MARCHF6: variants seen among roughly 807,000 people sequenced by gnomAD.
The protein encoded by MARCHF6 is E3 ubiquitin-protein ligase MARCHF6.
Under a neutral mutation model 133.7 loss-of-function variants are expected in MARCHF6, and 31 were observed. The ratio of observed to expected loss-of-function variants is 0.23; its 90% confidence interval spans 0.17 to 0.31. The LOEUF (loss-of-function observed/expected upper bound fraction) is 0.31, where lower values mean the gene tolerates loss of function less well. MARCHF6 is among the 10% of genes least tolerant of loss of function. The probability of loss-of-function intolerance (pLI) is 1.00; values close to 1 mark genes in which losing one functional copy is unlikely to be tolerated. For missense variants in MARCHF6, 723 were observed against 1,121.6 expected (o/e 0.64, Z 5.08); for synonymous variants, 395 against 402.5 (o/e 0.98, Z 0.22).
chr5:10,356,543 G>A (rs553578001), intron 1 of MARCHF6, among the ~76,000 whole-genome samples: 184 of 151,750 alleles, frequency 1.2e-3, no homozygotes, highest in African/African-American at 3.8e-3. Flanking sequence ...TTACAGGAGC[G>A]CGCCACCTCC....
Position 10,390,317 on chromosome 5 carries a change from T to C in MARCHF6, c.408-15T>C, listed in dbSNP as rs1329860842. The C allele has an allele frequency of 1.9e-5, 26 of 1,383,136 alleles. No individual in the cohort carries two copies. The highest frequency in any genetic ancestry group is 2.5e-5 in the Non-Finnish European group (25 of 1,010,470). The allele number at this position is 1,383,136 out of a possible 1,614,324, so 85.7% of individuals were successfully genotyped here. ...TCTTCTTTGGAGTAATTATATGTAC[T>C]TTTTTTTTTAATAGGGAAAATTTGT... On this transcript the variant is annotated splice_polypyrimidine_tract_variant and intron_variant, in intron 5 of 25. Coordinates refer to ENST00000274140, the MANE Select transcript of MARCHF6 (RefSeq NM_005885.4).
At chr5:10,398,278 G>T (rs1424763906) in intron 10 of MARCHF6, among the ~76,000 whole-genome samples, 2 of 152,208 alleles carry the variant, frequency 1.3e-5, no homozygotes, top group African/African-American at 4.8e-5. Context: ...GTGTAAAGCA[G>T]ACGTCTTTAA....
chr5:10,378,575 C>T (rs1170009945), intron 2 of MARCHF6, among the ~76,000 whole-genome samples, 184 bp from the exon 3 acceptor site: 1 of 152,124 alleles, frequency 6.6e-6, no homozygotes, highest in Admixed American at 6.5e-5. Context: ...GTTTTTATCT[C>T]TAGCTGTTGT....
chr5:10,363,759 A>C (rs1174595671), intron 1 of MARCHF6, among the ~76,000 whole-genome samples: 2 of 152,262 alleles, frequency 1.3e-5, no homozygotes, highest in Admixed American at 1.3e-4. Context: ...GTAAAATAGA[A>C]TATTACCCAG....
chr5:10,383,046 G>C (rs1214528302), intron 4 of MARCHF6, among the ~76,000 whole-genome samples: 5 of 152,086 alleles, frequency 3.3e-5, no homozygotes, highest in African/African-American at 4.8e-5. Context: ...AGATTCATTA[G>C]AGTTAAACTA....
At chr5:10,366,500 C>G (rs1736146932) in intron 1 of MARCHF6, among the ~76,000 whole-genome samples, 1 of 152,184 alleles carries the variant, frequency 6.6e-6, no homozygotes, top group Non-Finnish European at 1.5e-5. Flanking sequence ...TTACTTGAGA[C>G]TGTCACTATG....
rs1052400132 is a variant in MARCHF6 at position 10,437,192 on chromosome 5, C to G, written c.*3508C>G. 6.6e-6 allele frequency: 1 copy of G among 152,214 alleles called. No homozygotes were observed. Among genetic ancestry groups the G allele is most frequent in the Non-Finnish European group, 1.5e-5 (1 of 68,044 alleles). The allele number at this position is 152,214 out of a possible 1,614,324, so 9.4% of individuals were successfully genotyped here. On this transcript the variant is annotated 3_prime_UTR_variant, in exon 26 of 26. Transcript: ENST00000274140. ...CGCTTTTTAAAACTTTCCAAGCTAG[C>G]TACTTATTTTCATTTTCAGGGTTGA...
chr5:10,416,260 G>T (rs1739509061), intron 21 of MARCHF6, among the ~76,000 whole-genome samples: 1 of 152,114 alleles, frequency 6.6e-6, no homozygotes, highest in Admixed American at 6.5e-5. Context: ...GCTGCAACTG[G>T]TAACTATGCT....
intron 22 of MARCHF6, 94 bp from the exon 23 acceptor site, chr5:10,423,641 G>T (rs542687765): frequency 4.3e-6 from 3 of 701,916 alleles, no homozygotes; most frequent in South Asian, 5.7e-5. Flanking sequence ...CTTCTATTTT[G>T]ATGTGAAATA....
intron 21 of MARCHF6, among the ~76,000 whole-genome samples, chr5:10,416,224 T>C (rs1471075790): frequency 6.6e-6 from 1 of 152,210 alleles, no homozygotes; most frequent in African/African-American, 2.4e-5. Flanking sequence ...AGTGCAGTGA[T>C]TTATGTCTGT....
chr5:10,408,667 T>C (rs1195649891), intron 17 of MARCHF6, among the ~76,000 whole-genome samples: 3 of 152,138 alleles, frequency 2.0e-5, no homozygotes, highest in Non-Finnish European at 4.4e-5. Context: ...GCGTCCCGGG[T>C]AGCTGAGACT....
intron 1 of MARCHF6, among the ~76,000 whole-genome samples, chr5:10,360,194 G>A (rs1220364272): frequency 3.4e-5 from 4 of 119,360 alleles, no homozygotes; most frequent in Admixed American, 1.0e-4. Flanking sequence ...TTTTTGCCCA[G>A]GCTAGAGTAC....
chr5:10,430,274 T>C (rs2126368814), intron 25 of MARCHF6, among the ~76,000 whole-genome samples: 1 of 150,246 alleles, frequency 6.7e-6, no homozygotes, highest in South Asian at 2.1e-4. Context: ...GAAACTGTTT[T>C]GGAGAGGGAG....
rs753339891 is a variant in MARCHF6 at position 10,433,624 on chromosome 5, C to T, written c.2673C>T (p.Tyr891=). 23 of 1,614,056 alleles carry T rather than the reference C, an allele frequency of 1.4e-5. 1 individual carries two copies. Among genetic ancestry groups the T allele is most frequent in the East Asian group, 8.9e-5 (4 of 44,894 alleles). ...TTGTGGGTCAACGACTCGTGAACTA[C>T]GAACGGAAATCTGGCAAACAAGGCT... ...KYLVGQRLVN[Y]ERKSGKQGSS... The change falls in exon 26 of 26, where the codon TAC becomes TAT. Residue 891 remains tyrosine, a synonymous_variant. Transcript: ENST00000274140.
intron 4 of MARCHF6, among the ~76,000 whole-genome samples, chr5:10,382,674 A>G (rs758088780): frequency 1.3e-5 from 2 of 152,066 alleles, no homozygotes; most frequent in African/African-American, 2.4e-5. Context: ...TGAAAATACA[A>G]AAATTAGCCG....
chr5:10,369,667 C>A (rs1468428979), intron 1 of MARCHF6, among the ~76,000 whole-genome samples: 2 of 137,610 alleles, frequency 1.5e-5, no homozygotes, highest in South Asian at 2.4e-4. Flanking sequence ...CCATTTCCAG[C>A]CCCTGGCAAC....
chr5:10,365,490 G>T (rs1736090467), intron 1 of MARCHF6, among the ~76,000 whole-genome samples: 1 of 151,958 alleles, frequency 6.6e-6, no homozygotes, highest in Non-Finnish European at 1.5e-5. Flanking sequence ...AGTAGAGGTG[G>T]GGTTTCTCCA....
In MARCHF6 at chr5:10,403,322, ATTAT is replaced by A. The variant is rs1191595714; in HGVS notation, c.1198-78_1198-75del. 20 of 1,361,688 alleles carry A rather than the reference ATTAT, an allele frequency of 1.5e-5. No homozygotes were observed. In the East Asian group the frequency reaches 3.5e-4, roughly 24 times the overall value. The allele number at this position is 1,361,688 out of a possible 1,614,324, so 84.4% of individuals were successfully genotyped here. A position where few individuals can be genotyped will look rare whatever the true frequency, so the allele number is the denominator to read the frequency against. The stretch of plus-strand genomic sequence containing the variant: ...GGAATTGTTCCTTGCATGCATATTG[ATTAT>A]TTATTTCCTAGAAGATGAAAATGTT... On this transcript the variant is annotated intron_variant, in intron 14 of 25. Transcript: ENST00000274140.
intron 2 of MARCHF6, among the ~76,000 whole-genome samples, chr5:10,378,195 T>C (rs1047540186): frequency 5.3e-5 from 8 of 152,232 alleles, no homozygotes; most frequent in African/African-American, 9.6e-5. Context: ...GAAAGTGTTA[T>C]GATTTTCTAG....
Sources: allele counts gnomAD v4.1 joint callset (sites outside exome capture counted in the v4.1 genomes callset), GRCh38; gene constraint gnomAD v4.1.1; transcripts MANE v1.5; gene names NCBI Gene and HGNC (gene_info 2026-07-23, HGNC 2026-07-21).